FBXL18: variants seen among roughly 807,000 people sequenced by gnomAD.
FBXL18 encodes F-box/LRR-repeat protein 18.
A neutral mutation model predicts 46.0 loss-of-function variants in FBXL18; 36 were observed. That is an observed-to-expected ratio of 0.78 (90% CI 0.60 to 1.03). The LOEUF (loss-of-function observed/expected upper bound fraction) is 1.03. Ranked by LOEUF, FBXL18 falls within the 50% of genes least tolerant of loss-of-function variation. The pLI, the probability that FBXL18 is intolerant of heterozygous loss-of-function variation, is 0.00. For synonymous variants in FBXL18, 557 were observed against 465.3 expected (o/e 1.20, Z -2.54); for missense variants, 977 against 1,004.1 (o/e 0.97, Z 0.36).
rs561335238 is a variant in FBXL18 at position 5,496,267 on chromosome 7, G to A, written c.1781+4221C>T. ...ACCTGTACACCCATGAAAAGCACCT[G>A]GCAGAGGTCACATGAGCCCAAAGGT... On this transcript the variant is annotated intron_variant, in intron 3 of 4. Coordinates refer to ENST00000382368, the MANE Select transcript of FBXL18 (RefSeq NM_024963.6). This position sits in a 1 kb window ranked among gnomAD's most constrained non-coding sequence, Gnocchi z 4.8. Among the ~76,000 whole-genome samples the A allele has an allele frequency of 1.2e-3, 182 of 152,298 alleles. 1 individual carries two copies. Among genetic ancestry groups the A allele is most frequent in the Non-Finnish European group, 2.0e-3 (139 of 68,026 alleles).
chr7:5,495,739 G>A (rs905091963), intron 3 of FBXL18: 18 of 465,420 alleles, frequency 3.9e-5, no homozygotes, highest in Admixed American at 1.2e-4. Context: ...TCCTGCCCAC[G>A]GGCAAGCGAG....
intron 4 of FBXL18, among the ~76,000 whole-genome samples, chr7:5,490,447 A>C (rs569266252): frequency 1.1e-4 from 16 of 152,330 alleles, no homozygotes; most frequent in African/African-American, 3.8e-4. Flanking sequence ...GCAGAGCATC[A>C]AACTCCAGGA....
chr7:5,460,517 G>A (rs754069994), intron 4 of FBXL18, among the ~76,000 whole-genome samples: 2 of 152,128 alleles, frequency 1.3e-5, no homozygotes, highest in Admixed American at 6.5e-5. Context: ...GCAATGGTGC[G>A]ATCTCCGCTC....
At position 5,501,244 on chromosome 7, in the gene FBXL18, A is replaced by C. The variant is rs1584234880; in HGVS notation, c.1025T>G (p.Leu342Arg). 1 of 1,613,358 alleles carries C rather than the reference A, an allele frequency of 6.2e-7. No homozygotes were observed. The highest frequency in any genetic ancestry group is 1.3e-5 in the African/African-American group (1 of 75,072). The change falls in exon 3 of 5, where the codon CTG (leucine) becomes CGG (arginine). Residue 342 changes from leucine (L) to arginine (R), a missense_variant. Transcript: ENST00000382368. ...IQQVINGGKD[L>R]RSLASLNLSG... ...GAGGTTCAAGCTGGCCAGGCTCCGC[A>C]GGTCCTTCCCGCCGTTGATGACCTG...
intron 3 of FBXL18, among the ~76,000 whole-genome samples, chr7:5,498,136 A>T (rs1424854793): frequency 2.1e-5 from 3 of 139,696 alleles, no homozygotes; most frequent in Admixed American, 1.5e-4. Flanking sequence ...GCTGGAGTGC[A>T]GCGGCCAGTG....
At chr7:5,459,083 G>T (rs762740487) in intron 4 of FBXL18, among the ~76,000 whole-genome samples, 10 of 152,198 alleles carry the variant, frequency 6.6e-5, no homozygotes, top group Non-Finnish European at 1.2e-4. Context: ...AGGCCAGGAA[G>T]TCGAGGCTGC....
In FBXL18 at chr7:5,501,846, C is replaced by G. The variant is rs367781550; in HGVS notation, c.423G>C (p.Ser141=). 6 of 1,598,838 alleles carry G rather than the reference C, an allele frequency of 3.8e-6. No individual in the cohort carries two copies. Among genetic ancestry groups the G allele is most frequent in the Non-Finnish European group, 5.1e-6 (6 of 1,174,098 alleles). The change falls in exon 3 of 5, where the codon TCG becomes TCC. Residue 141 remains serine (S), a synonymous_variant. Transcript: ENST00000382368. The part of the protein sequence containing the change: ...LTSLRLSKML[S]ALQHLRSLAI... ...CCAGCGAGCGCAGGTGCTGCAGGGC[C>G]GAGAGCATCTTGGAGAGGCGCAGGG...
chr7:5,488,241 C>A (rs1440557517), intron 4 of FBXL18, among the ~76,000 whole-genome samples: 1 of 152,224 alleles, frequency 6.6e-6, no homozygotes, highest in African/African-American at 2.4e-5. Context: ...GGCATGGAGC[C>A]GGCCACAGGC....
downstream of FBXL18, among the ~76,000 whole-genome samples, chr7:5,471,779 C>A (rs139989631): frequency 3.3e-5 from 5 of 152,198 alleles, no homozygotes; most frequent in Non-Finnish European, 7.3e-5. Flanking sequence ...CAGGGCTCTT[C>A]GCATGTTCTG....
In FBXL18 at chr7:5,491,465, G is replaced by A. The variant is rs1441296082; in HGVS notation, c.1782-16C>T. On this transcript the variant is annotated splice_polypyrimidine_tract_variant and intron_variant, in intron 3 of 4. Transcript: ENST00000382368. ...CTGCTCCAGCCTGCGGGGAGAGAGG[G>A]CAGCTGTGAGGTCCGAGGGAGGGGC... 8 of 1,554,464 alleles carry A rather than the reference G, an allele frequency of 5.1e-6. No homozygotes were observed. The highest frequency in any genetic ancestry group is 3.5e-6 in the Non-Finnish European group (4 of 1,149,874).
rs748560177 is a variant in FBXL18 at position 5,500,762 on chromosome 7, C to T, written c.1507G>A (p.Glu503Lys). The change falls in exon 3 of 5, where the codon GAG becomes AAG. Residue 503 changes from glutamate (E) to lysine (K), a missense_variant. Coordinates refer to ENST00000382368, the MANE Select transcript of FBXL18 (RefSeq NM_024963.6). ...SNFSSAMPRN[E>K]PAIRNSLPPC... The stretch of plus-strand genomic sequence containing the variant: ...GGGAGCGAGTTGCGGATGGCGGGCT[C>T]GTTGCGGGGCATGGCGGAGGAGAAG... 3 of 1,612,440 alleles carry T rather than the reference C, an allele frequency of 1.9e-6. No individual in the cohort carries two copies. Among genetic ancestry groups the T allele is most frequent in the Non-Finnish European group, 2.5e-6 (3 of 1,179,704 alleles).
At chr7:5,511,098 A>T (rs1784519486) in intron 1 of FBXL18, among the ~76,000 whole-genome samples, 1 of 152,182 alleles carries the variant, frequency 6.6e-6, no homozygotes, top group South Asian at 2.1e-4. Context: ...AGCTCAAGTG[A>T]TCTGTGCCTG....
chr7:5,508,588 G>GAT (rs201535303), intron 1 of FBXL18, among the ~76,000 whole-genome samples: 1,381 of 135,834 alleles, frequency 0.01, 35 homozygotes, highest in African/African-American at 0.034. Context: ...CAGCCTGGAT[G>GAT]ACAGAGAGAG....
chr7:5,458,549 T>C (rs1383835979), intron 4 of FBXL18, among the ~76,000 whole-genome samples: 2 of 151,738 alleles, frequency 1.3e-5, no homozygotes, highest in East Asian at 3.9e-4. Context: ...AATACAAAAA[T>C]TAGCCAGGCA....
chr7:5,489,338 A>C (rs765693092), intron 4 of FBXL18: 1 of 518,648 alleles, frequency 1.9e-6, no homozygotes, highest in Admixed American at 1.9e-5. Flanking sequence ...CTTCACTTAA[A>C]AATAGGTTGA....
chr7:5,491,121 G>C (rs1269466892), intron 4 of FBXL18, 110 bp downstream of exon 4: 3 of 1,028,874 alleles, frequency 2.9e-6, no homozygotes, highest in African/African-American at 3.2e-5. Flanking sequence ...CCTGGTGCTC[G>C]TCAATTCCAA....
At chr7:5,502,146 C>CTCTCCACCGGGAGGGAAGA in intron 2 of FBXL18, 115 bp from the exon 3 acceptor site, 1 of 730,408 alleles carries the variant, frequency 1.4e-6, no homozygotes. Flanking sequence ...GGGAGGGAAG[C>CTCTCCACCGGGAGGGAAGA]TCCCCACCTC....
intron 4 of FBXL18, among the ~76,000 whole-genome samples, chr7:5,454,948 G>A (rs887502631): frequency 1.3e-5 from 2 of 152,234 alleles, no homozygotes; most frequent in Non-Finnish European, 2.9e-5. Context: ...AAAGGGTAGA[G>A]TTTGCTTACC....
At chr7:5,466,189 AAAG>A (rs1783338782) in intron 4 of FBXL18, among the ~76,000 whole-genome samples, 1 of 152,022 alleles carries the variant, frequency 6.6e-6, no homozygotes, top group African/African-American at 2.4e-5. Context: ...AAAGAAAAGA[AAAG>A]AAAAAAAAAA....
Sources: allele counts gnomAD v4.1 joint callset (sites outside exome capture counted in the v4.1 genomes callset), GRCh38; gene constraint gnomAD v4.1.1; non-coding constraint Gnocchi (gnomAD v3.1); transcripts MANE v1.5; gene names NCBI Gene and HGNC (gene_info 2026-07-23, HGNC 2026-07-21).